Variants in SPIRE1 observed in about 807,000 individuals in gnomAD.
SPIRE1 encodes the protein protein spire homolog 1.
In SPIRE1, 40 loss-of-function variants were observed where a neutral mutation model predicts 94.1. The ratio of observed to expected loss-of-function variants is 0.43; its 90% CI spans 0.33 to 0.55. The LOEUF is 0.55. SPIRE1 is among the 20% of genes least tolerant of loss of function. The pLI is 0.06. For synonymous variants in SPIRE1, 376 were observed against 371.7 expected (o/e 1.01, Z -0.13); for missense variants, 838 against 975.2 (o/e 0.86, Z 1.87).
rs891447299 is a variant in SPIRE1 at position 12,627,155 on chromosome 18, T to C, written c.372+7907A>G. 1.2e-4 allele frequency among the ~76,000 whole-genome samples: 19 copies of C among 152,142 alleles called. No homozygotes were observed. In the South Asian group the frequency reaches 2.5e-3, roughly 20 times the overall value. On this transcript the variant is annotated intron_variant, in intron 2 of 16. Coordinates refer to ENST00000409402, the MANE Select transcript of SPIRE1 (RefSeq NM_001128626.2). ...TTATTACAGAGGTATACATGTGCCA[T>C]GTTGGTTTGTTGCACCCATTTACAT...
In SPIRE1 at chr18:12,516,644, G is replaced by A. The variant is rs114577036; in HGVS notation, c.730-4113C>T. 9.5e-3 allele frequency among the ~76,000 whole-genome samples: 1,439 copies of A among 152,272 alleles called. 29 individuals are homozygous for A. Among genetic ancestry groups the A allele is most frequent in the African/African-American group, 0.032 (1,328 of 41,546 alleles). Reference sequence around the variant, plus strand: ...TCTGTCATCTGCAACTGAAAGTTACGATTTAATATGTCCTTAATAGTCTAC... The same window carrying A: ...TCTGTCATCTGCAACTGAAAGTTACAATTTAATATGTCCTTAATAGTCTAC... On this transcript the variant is annotated intron_variant, in intron 4 of 16. Transcript: ENST00000409402.
At chr18:12,595,702 C>T (rs978365576) in intron 2 of SPIRE1, among the ~76,000 whole-genome samples, 1 of 152,200 alleles carries the variant, frequency 6.6e-6, no homozygotes, top group Admixed American at 6.5e-5. Context: ...AGGCATAGTC[C>T]TTGCCCTCAA....
At chr18:12,590,982 A>T (rs34814556) in intron 2 of SPIRE1, among the ~76,000 whole-genome samples, 1 of 152,048 alleles carries the variant, frequency 6.6e-6, no homozygotes, top group Non-Finnish European at 1.5e-5. Flanking sequence ...TACATATGAC[A>T]AAGTCTCTGA....
At chr18:12,656,335 AAT>A (rs1019767065) in intron 1 of SPIRE1, among the ~76,000 whole-genome samples, 5 of 152,248 alleles carry the variant, frequency 3.3e-5, no homozygotes, top group Admixed American at 6.5e-5. Context: ...TACTATTTGA[AAT>A]AGTTTCAAAA....
At chr18:12,509,966 T>A (rs2033975865) in intron 5 of SPIRE1, among the ~76,000 whole-genome samples, 1 of 151,514 alleles carries the variant, frequency 6.6e-6, no homozygotes, top group Non-Finnish European at 1.5e-5. Flanking sequence ...GCACCTGTAA[T>A]CCCAGCTACT....
At chr18:12,529,842 T>C (rs1255620955) in intron 4 of SPIRE1, among the ~76,000 whole-genome samples, 2 of 152,254 alleles carry the variant, frequency 1.3e-5, no homozygotes, top group Non-Finnish European at 2.9e-5. Flanking sequence ...TATAAAGTTC[T>C]TGCTGCAATA....
In SPIRE1 at chr18:12,453,094, C is replaced by T; in HGVS notation, c.1821G>A (p.Trp607Ter). 2 of 1,606,434 alleles carry T rather than the reference C, an allele frequency of 1.2e-6. No homozygotes were observed. The highest frequency in any genetic ancestry group is 1.7e-6 in the Non-Finnish European group (2 of 1,177,914). ...CRTRRFSFFTWSYTCQFCKRP... is the reference protein window; with the variant it reads ...CRTRRFSFFT ...TCTTACAGAACTGACAGGTATAAGACCAAGTGAAGAAGGAAAACCTCCTGG... is the reference window on the plus strand; with the variant it reads ...TCTTACAGAACTGACAGGTATAAGATCAAGTGAAGAAGGAAAACCTCCTGG... The change falls in exon 14 of 17, where the codon TGG (tryptophan) becomes TGA (stop). Residue 607 changes from tryptophan (W) to a stop codon, truncating the protein, a stop_gained. Coordinates refer to ENST00000409402, the MANE Select transcript of SPIRE1 (RefSeq NM_001128626.2). LOFTEE classifies it high-confidence loss of function.
chr18:12,508,927 G>A (rs1389184564), intron 5 of SPIRE1, among the ~76,000 whole-genome samples: 1 of 152,120 alleles, frequency 6.6e-6, no homozygotes, highest in Non-Finnish European at 1.5e-5. Flanking sequence ...CAGCCGCCTT[G>A]GCCTCCCAAA....
chr18:12,562,584 C>A (rs1413413979), intron 2 of SPIRE1, among the ~76,000 whole-genome samples: 1 of 151,736 alleles, frequency 6.6e-6, no homozygotes, highest in Non-Finnish European at 1.5e-5. Flanking sequence ...GTCTGCTGCA[C>A]CCATCAACCC....
chr18:12,619,289 A>G (rs982824434), intron 2 of SPIRE1, among the ~76,000 whole-genome samples: 2 of 152,134 alleles, frequency 1.3e-5, no homozygotes, highest in African/African-American at 4.8e-5. Context: ...AGGCAGGCCA[A>G]TCAGGTCAGG....
intron 2 of SPIRE1, among the ~76,000 whole-genome samples, chr18:12,569,657 A>C (rs1189539877): frequency 6.6e-6 from 1 of 152,042 alleles, no homozygotes; most frequent in Admixed American, 6.6e-5. Context: ...AACAAGAGAA[A>C]AGACAGCATC....
intron 2 of SPIRE1, among the ~76,000 whole-genome samples, 195 bp from the exon 3 acceptor site, chr18:12,547,099 C>T (rs758234998): frequency 2.8e-5 from 4 of 140,604 alleles, no homozygotes; most frequent in African/African-American, 4.9e-5. Context: ...AAATATTAAC[C>T]GAGTTGATTT....
intron 4 of SPIRE1, among the ~76,000 whole-genome samples, chr18:12,531,391 A>T (rs1386094495): frequency 2.0e-5 from 3 of 152,230 alleles, no homozygotes; most frequent in Non-Finnish European, 4.4e-5. Flanking sequence ...AGAAACCTAC[A>T]TCAAAGTATC....
chr18:12,454,103 A>T (rs1159794075), intron 13 of SPIRE1, among the ~76,000 whole-genome samples: 1 of 152,126 alleles, frequency 6.6e-6, no homozygotes, highest in South Asian at 2.1e-4. Flanking sequence ...TTTTAGGAAG[A>T]CATATCGATA....
chr18:12,472,094 A>G (rs768547443), intron 10 of SPIRE1, among the ~76,000 whole-genome samples: 3 of 151,994 alleles, frequency 2.0e-5, no homozygotes, highest in African/African-American at 4.8e-5. Context: ...CAGTTTTCTT[A>G]TATTTTATAC....
At chr18:12,461,510 G>GTACA (rs1324132292) in intron 12 of SPIRE1, among the ~76,000 whole-genome samples, 1 of 94,236 alleles carries the variant, frequency 1.1e-5, no homozygotes, top group Non-Finnish European at 2.3e-5. Context: ...ACATATGTAC[G>GTACA]TACATACATA....
intron 12 of SPIRE1, among the ~76,000 whole-genome samples, chr18:12,454,745 T>C (rs926583647): frequency 6.6e-6 from 1 of 152,216 alleles, no homozygotes; most frequent in African/African-American, 2.4e-5. Context: ...TGCTCAGGTA[T>C]TTTGACTCAA....
At position 12,485,968 on chromosome 18, in the gene SPIRE1, C is replaced by G. The variant is rs757027841; in HGVS notation, c.1222G>C (p.Asp408His). ...MRPLSMSYSF[D>H]LSDVTTPEST... is the part of the protein sequence containing the mutation. The stretch of plus-strand genomic sequence containing the variant: ...TTTTTGTTTTTTTTACCTGACAAGT[C>G]AAAACTGTAAGACATGCTAAGTGGC... Residue 408 changes from aspartate to histidine, a missense_variant, in exon 9 of 17, where the codon GAC becomes CAC. By Grantham distance (81) the Asp-to-His change is moderately conservative. Coordinates refer to ENST00000409402, the MANE Select transcript of SPIRE1 (RefSeq NM_001128626.2). 1.3e-6 allele frequency: 2 copies of G among 1,523,404 alleles called. No individual in the cohort carries two copies. The highest frequency in any genetic ancestry group is 1.3e-5 in the South Asian group (1 of 78,578). 94.4% of individuals were successfully genotyped at this position (1,523,404 alleles called of 1,614,324 possible).
Position 12,464,854 on chromosome 18 carries a change from C to A in SPIRE1, c.1495+14G>T. 1 of 1,609,912 alleles carries A rather than the reference C, an allele frequency of 6.2e-7. No homozygotes were observed. Among genetic ancestry groups the A allele is most frequent in the Non-Finnish European group, 8.5e-7 (1 of 1,176,460 alleles). On this transcript the variant is annotated intron_variant, in intron 11 of 16. Transcript: ENST00000409402. ...AGACATCCGACTACAGCTCTTAGCACCACAACTACTCACTCTTCCTTGTGG... is the reference window on the plus strand; with the variant it reads ...AGACATCCGACTACAGCTCTTAGCAACACAACTACTCACTCTTCCTTGTGG...
Sources: allele counts gnomAD v4.1 joint callset (sites outside exome capture counted in the v4.1 genomes callset), GRCh38; gene constraint gnomAD v4.1.1; transcripts MANE v1.5; gene names NCBI Gene and HGNC (gene_info 2026-07-23, HGNC 2026-07-21).